The following LRP1B variants were observed in gnomAD, a reference collection of about 807,000 sequenced individuals.
LRP1B encodes the protein low-density lipoprotein receptor-related protein 1B.
LRP1B carries 217 observed loss-of-function variants against 556.6 expected under a neutral mutation model. The ratio of observed to expected loss-of-function variants is 0.39; its 90% CI spans 0.35 to 0.44. LRP1B has a LOEUF of 0.44. Among genes scored for constraint, LRP1B ranks in the 20% least tolerant of loss-of-function variants. LRP1B has a pLI of 1.00. For missense variants in LRP1B, 5,053 were observed against 5,620.8 expected (o/e 0.90, Z 3.23); for synonymous variants, 2,047 against 1,865.8 (o/e 1.10, Z -2.50).
chr2:140,572,846 A>C (rs1681378679), intron 43 of LRP1B, among the ~76,000 whole-genome samples: 1 of 151,850 alleles, frequency 6.6e-6, no homozygotes, highest in Non-Finnish European at 1.5e-5. Context: ...ATAAAACACT[A>C]TCATTCATGG....
At chr2:142,004,467 T>C (rs4662347) in intron 1 of LRP1B, among the ~76,000 whole-genome samples, 49,798 of 151,522 alleles carry the variant, frequency 0.33, 8,979 homozygotes, top group Admixed American at 0.45. Context: ...ACTACATATG[T>C]AATATATATA....
intron 5 of LRP1B, among the ~76,000 whole-genome samples, chr2:141,231,607 C>A (rs1189072883): frequency 1.3e-5 from 2 of 148,872 alleles, no homozygotes; most frequent in African/African-American, 2.5e-5. Flanking sequence ...ACATTCCCCC[C>A]ACCCCCACCC....
rs952129841 is a variant in LRP1B, at chr2:140,339,952, A to G, written c.11893-4114T>C. Among the ~76,000 whole-genome samples the G allele has an allele frequency of 5.9e-5, 9 of 151,722 alleles. No individual in the cohort carries two copies. The South Asian group carries it at 6.2e-4, about 10-fold the overall frequency. ...TAAGGCTGCAATGATCTACATTAGG[A>G]CCATGTCAACTTGGAATAAACTTCT... On this transcript the variant is annotated intron_variant, in intron 77 of 90. Transcript: ENST00000389484.
intron 79 of LRP1B, 130 bp from the exon 80 acceptor site, chr2:140,326,008 C>G (rs1258748018): frequency 1.6e-6 from 1 of 620,484 alleles, no homozygotes; most frequent in Non-Finnish European, 2.9e-6. Flanking sequence ...TACCTGGTGC[C>G]CATCATGAAA....
At chr2:141,249,123 T>A (rs1250764576) in intron 4 of LRP1B, among the ~76,000 whole-genome samples, 2 of 152,098 alleles carry the variant, frequency 1.3e-5, no homozygotes, top group Admixed American at 1.3e-4. Context: ...GATAAGCAAT[T>A]GAAAAATGGA....
intron 7 of LRP1B, among the ~76,000 whole-genome samples, chr2:141,173,359 A>G (rs1680590264): frequency 6.6e-6 from 1 of 151,984 alleles, no homozygotes; most frequent in African/African-American, 2.4e-5. Context: ...GCTTTTTCCA[A>G]CTATTTTTCC....
intron 11 of LRP1B, among the ~76,000 whole-genome samples, chr2:141,032,839 A>ATATATATATATATG (rs1558813275): frequency 6.7e-6 from 1 of 149,916 alleles, no homozygotes; most frequent in Non-Finnish European, 1.5e-5. Flanking sequence ...ATATATATAT[A>ATATATATATATATG]TGCAGGCATA....
intron 1 of LRP1B, among the ~76,000 whole-genome samples, chr2:141,963,906 CA>C (rs750082815): frequency 0.017 from 2,123 of 126,614 alleles, 29 homozygotes; most frequent in Middle Eastern, 0.04. Context: ...TCTCAGGATA[CA>C]AAATCAATGT....
At chr2:140,872,082 A>ATT (rs35149993) in intron 25 of LRP1B, among the ~76,000 whole-genome samples, 21 of 109,590 alleles carry the variant, frequency 1.9e-4, no homozygotes, top group African/African-American at 6.8e-4. Context: ...AGGACCTTGT[A>ATT]TTTTTTTTTT....
intron 45 of LRP1B, among the ~76,000 whole-genome samples, chr2:140,539,814 T>C (rs772108128): frequency 2.0e-5 from 3 of 152,150 alleles, no homozygotes; most frequent in Non-Finnish European, 4.4e-5. Context: ...ATATGGGAAT[T>C]TGTGGCCCGA....
chr2:142,046,823 CTT>C (rs1271153439), intron 1 of LRP1B, among the ~76,000 whole-genome samples: 1 of 151,808 alleles, frequency 6.6e-6, no homozygotes, highest in African/African-American at 2.4e-5. Context: ...AAAGTTTTGT[CTT>C]TTAGTTTTTT....
intron 1 of LRP1B, among the ~76,000 whole-genome samples, chr2:141,872,309 A>G (rs889373452): frequency 1.3e-5 from 2 of 152,046 alleles, no homozygotes; most frequent in African/African-American, 4.8e-5. Flanking sequence ...AAATTGTGAT[A>G]TAAACGTTGA....
intron 1 of LRP1B, among the ~76,000 whole-genome samples, chr2:142,120,598 T>C (rs1707425546): frequency 6.6e-6 from 1 of 152,216 alleles, no homozygotes; most frequent in Admixed American, 6.5e-5. Flanking sequence ...TTTAAAACAC[T>C]GCAAATTTCT....
At chr2:140,858,618 T>C (rs886807914) in intron 27 of LRP1B, among the ~76,000 whole-genome samples, 1 of 152,024 alleles carries the variant, frequency 6.6e-6, no homozygotes, top group African/African-American at 2.4e-5. Context: ...GTGTAGGATG[T>C]GCAGGTTTGT....
At chr2:141,478,821 A>G (rs2105086137) in intron 3 of LRP1B, among the ~76,000 whole-genome samples, 1 of 152,264 alleles carries the variant, frequency 6.6e-6, no homozygotes, top group East Asian at 1.9e-4. Flanking sequence ...CTGGGATTAC[A>G]GGAGTGAGCC....
At chr2:140,549,025 A>G (rs555592584) in intron 43 of LRP1B, among the ~76,000 whole-genome samples, 1 of 152,296 alleles carries the variant, frequency 6.6e-6, no homozygotes, top group South Asian at 2.1e-4. Context: ...ACCCTGCCAC[A>G]TTCATTCTAA....
intron 21 of LRP1B, 64 bp downstream of exon 21, chr2:140,922,901 C>T (rs2105257847): frequency 7.1e-7 from 1 of 1,413,878 alleles, no homozygotes; most frequent in Non-Finnish European, 9.7e-7. Context: ...ACAGATTCAG[C>T]CTGAGCCAAA....
At chr2:142,128,730 C>T (rs538443327) in intron 1 of LRP1B, among the ~76,000 whole-genome samples, 2 of 152,216 alleles carry the variant, frequency 1.3e-5, no homozygotes, top group Non-Finnish European at 2.9e-5. Context: ...TGATACAACA[C>T]GACACTATTT....
Position 141,576,884 on chromosome 2 carries a change from C to G in LRP1B, c.206-96351G>C, listed in dbSNP as rs541066891. 4.6e-4 allele frequency among the ~76,000 whole-genome samples: 69 copies of G among 149,812 alleles called. 1 individual carries two copies. The highest frequency in any genetic ancestry group is 4.4e-5 in the Non-Finnish European group (3 of 67,732). The stretch of plus-strand genomic sequence containing the variant: ...TTTTGCCCAGGTTGTTTTCGAACTC[C>G]TGACCTCAAGCAATCCTCCTGTCTC... On this transcript the variant is annotated intron_variant, in intron 2 of 90. Transcript: ENST00000389484.
Sources: allele counts gnomAD v4.1 joint callset (sites outside exome capture counted in the v4.1 genomes callset), GRCh38; gene constraint gnomAD v4.1.1; transcripts MANE v1.5; gene names NCBI Gene and HGNC (gene_info 2026-07-23, HGNC 2026-07-21).